PRELID2: variants seen among roughly 807,000 people sequenced by gnomAD.
The protein encoded by PRELID2 is PRELI domain-containing protein 2.
A neutral mutation model predicts 28.4 loss-of-function variants in PRELID2; 25 were observed. The ratio of observed to expected loss-of-function variants is 0.88; its 90% CI spans 0.64 to 1.23. PRELID2 has a LOEUF of 1.23. PRELID2 is among the 50% of genes most tolerant of loss of function. PRELID2 has a pLI of 0.00. For synonymous variants in PRELID2, 76 were observed against 71.6 expected, an observed-to-expected ratio of 1.06 and a Z score of -0.31; for missense variants, 201 against 214.4, an observed-to-expected ratio of 0.94 and a Z score of 0.39.
At chr5:145,525,694 C>T (rs1364681553) in intron 1 of PRELID2, among the ~76,000 whole-genome samples, 2 of 152,092 alleles carry the variant, frequency 1.3e-5, no homozygotes, top group Admixed American at 6.6e-5. Flanking sequence ...TCAGAGGATT[C>T]GGTTTACTCT....
chr5:145,639,849 A>C (rs904225615), intron 1 of PRELID2, among the ~76,000 whole-genome samples: 8 of 152,194 alleles, frequency 5.3e-5, no homozygotes, highest in Non-Finnish European at 1.2e-4. Context: ...ACAACTTCCC[A>C]GATTCTCCTG....
In PRELID2 at chr5:145,820,968, C is replaced by T. The variant is rs138000882; in HGVS notation, c.134-950G>A. Among the ~76,000 whole-genome samples, 4 of 152,160 alleles carry T rather than the reference C, an allele frequency of 2.6e-5. No individual in the cohort carries two copies. The East Asian group carries it at 5.8e-4, about 22-fold the overall frequency. On this transcript the variant is annotated intron_variant, in intron 2 of 6. Coordinates refer to ENST00000683046, the MANE Select transcript of PRELID2 (RefSeq NM_205846.3). The stretch of plus-strand genomic sequence containing the variant: ...GGTTTTACGCACGTTGGCATATATC[C>T]GGGGTCTTACATCACTTCTCCCAAC...
chr5:145,803,603 T>C (rs1753293290), intron 4 of PRELID2, among the ~76,000 whole-genome samples: 1 of 152,074 alleles, frequency 6.6e-6, no homozygotes, highest in Non-Finnish European at 1.5e-5. Context: ...TCTCACAAGG[T>C]TGAATAAGGC....
At chr5:145,585,867 C>T (rs1753149688) in intron 1 of PRELID2, among the ~76,000 whole-genome samples, 1 of 152,014 alleles carries the variant, frequency 6.6e-6, no homozygotes, top group South Asian at 2.1e-4. Context: ...CCCATGAGAA[C>T]AGAGTACACC....
intron 1 of PRELID2, among the ~76,000 whole-genome samples, chr5:145,537,442 T>C (rs1470714897): frequency 1.3e-5 from 2 of 151,900 alleles, no homozygotes; most frequent in Non-Finnish European, 2.9e-5. Context: ...CACTAAACAG[T>C]ATGTAAGTTT....
At chr5:145,755,301 AAGTC>A (rs756101995), downstream of PRELID2, among the ~76,000 whole-genome samples, 1 of 152,170 alleles carries the variant, frequency 6.6e-6, no homozygotes, top group Non-Finnish European at 1.5e-5. Flanking sequence ...TATTTTGAGA[AAGTC>A]AGCCAAAGCT....
At chr5:145,322,392 C>G in the PRELID2 span, among the ~76,000 whole-genome samples, 1 of 152,138 alleles carries the variant, frequency 6.6e-6, no homozygotes, top group African/African-American at 2.4e-5. Context: ...TCTTTTTGAT[C>G]TGATGCATTC....
chr5:145,806,190 A>G (rs1265683305), intron 4 of PRELID2, among the ~76,000 whole-genome samples: 2 of 152,186 alleles, frequency 1.3e-5, no homozygotes, highest in East Asian at 3.8e-4. Flanking sequence ...AAACGTTTTC[A>G]TTTTTAACTT....
In PRELID2 at chr5:145,817,421, TTATATATATATA is replaced by T. The variant is rs6149278; in HGVS notation, c.368+461_368+472del. On this transcript the variant is annotated intron_variant, in intron 4 of 6. Coordinates refer to ENST00000683046, the MANE Select transcript of PRELID2 (RefSeq NM_205846.3). ...TATGCAATAAAGGAATAAGCTAGTTTTATATATATATATATATATATATATATCACATGGTTT... is the reference window on the plus strand; with the variant it reads ...TATGCAATAAAGGAATAAGCTAGTTTTATATATATATATATCACATGGTTT... Among the ~76,000 whole-genome samples, 113 of 103,604 alleles carry T rather than the reference TTATATATATATA, an allele frequency of 1.1e-3. 1 individual carries two copies. Among genetic ancestry groups the T allele is most frequent in the African/African-American group, 3.6e-3 (107 of 29,892 alleles). The allele number at this position is 103,604 out of a possible 152,430, so 68.0% of individuals were successfully genotyped here. A position where few individuals can be genotyped will look rare whatever the true frequency, so the allele number is the denominator to read the frequency against.
chr5:145,526,481 G>C (rs1023041121), intron 1 of PRELID2, among the ~76,000 whole-genome samples: 1 of 152,180 alleles, frequency 6.6e-6, no homozygotes, highest in African/African-American at 2.4e-5. Context: ...AGAGGCTGGA[G>C]AGCAAGCTGG....
the PRELID2 span, among the ~76,000 whole-genome samples, chr5:145,418,286 T>C: frequency 1.3e-5 from 2 of 152,072 alleles, no homozygotes; most frequent in Non-Finnish European, 2.9e-5. Context: ...TTAGGAAGAA[T>C]CAATATCATG....
chr5:145,246,014 A>T, the PRELID2 span, among the ~76,000 whole-genome samples: 1 of 152,064 alleles, frequency 6.6e-6, no homozygotes, highest in African/African-American at 2.4e-5. Flanking sequence ...TTAATTTGGG[A>T]CACAATGAAA....
At chr5:145,666,205 A>G (rs1348446975) in intron 1 of PRELID2, among the ~76,000 whole-genome samples, 4 of 151,988 alleles carry the variant, frequency 2.6e-5, no homozygotes, top group Non-Finnish European at 5.9e-5. Flanking sequence ...AGGTTGGCAA[A>G]AAGAGATTTC....
intron 1 of PRELID2, among the ~76,000 whole-genome samples, chr5:145,647,062 T>C (rs1055455244): frequency 1.3e-5 from 2 of 152,238 alleles, no homozygotes; most frequent in African/African-American, 4.8e-5. Flanking sequence ...GGAGGTCCAC[T>C]GCTCTCTTCA....
intron 1 of PRELID2, among the ~76,000 whole-genome samples, chr5:145,832,758 G>C (rs1755682528): frequency 6.6e-6 from 1 of 151,778 alleles, no homozygotes. Flanking sequence ...GCACACATGA[G>C]CGCACATACA....
At chr5:145,800,159 A>C (rs998793201) in intron 4 of PRELID2, among the ~76,000 whole-genome samples, 9 of 152,114 alleles carry the variant, frequency 5.9e-5, no homozygotes, top group African/African-American at 1.9e-4. Context: ...ACAAACTGTC[A>C]TTTTGGTCAA....
intron 1 of PRELID2, among the ~76,000 whole-genome samples, chr5:145,640,752 A>AC (rs1471285246): frequency 2.6e-5 from 4 of 152,104 alleles, no homozygotes; most frequent in Admixed American, 6.6e-5. Flanking sequence ...GGATTCACCA[A>AC]CCCCCCAATA....
At chr5:145,624,960 T>C (rs755880176) in intron 1 of PRELID2, among the ~76,000 whole-genome samples, 2 of 152,094 alleles carry the variant, frequency 1.3e-5, no homozygotes, top group Non-Finnish European at 2.9e-5. Flanking sequence ...GAGGCGCAAA[T>C]GTCCCATAAT....
the PRELID2 span, among the ~76,000 whole-genome samples, chr5:145,404,397 C>T: frequency 6.6e-6 from 1 of 152,186 alleles, no homozygotes; most frequent in Admixed American, 6.6e-5. Context: ...AGCTTTGCCT[C>T]TTCCCCAGCT....
Sources: allele counts gnomAD v4.1 joint callset (sites outside exome capture counted in the v4.1 genomes callset), GRCh38; gene constraint gnomAD v4.1.1; transcripts MANE v1.5; gene names NCBI Gene and HGNC (gene_info 2026-07-23, HGNC 2026-07-21).